Variants in TASP1 observed in about 807,000 individuals in gnomAD.
TASP1 encodes the protein threonine aspartase 1.
TASP1 carries 16 observed loss-of-function variants against 56.6 expected under a neutral mutation model. That is an observed-to-expected ratio of 0.28 (90% CI 0.19 to 0.43). The LOEUF (loss-of-function observed/expected upper bound fraction) is 0.43, where lower values mean the gene tolerates loss of function less well. Among genes scored for constraint, TASP1 ranks in the 20% least tolerant of loss-of-function variants. The probability of loss-of-function intolerance (pLI) is 1.00; values close to 1 mark genes in which losing one functional copy is unlikely to be tolerated. For synonymous variants in TASP1, 179 were observed against 184.2 expected, an observed-to-expected ratio of 0.97 and a Z score of 0.23; for missense variants, 393 against 511.6, an observed-to-expected ratio of 0.77 and a Z score of 2.24.
chr20:13,206,690 C>T, the TASP1 span, among the ~76,000 whole-genome samples: 1 of 151,862 alleles, frequency 6.6e-6, no homozygotes, highest in Admixed American at 6.6e-5. Context: ...AGACAGTAGA[C>T]AAGGGGAGAG....
the TASP1 span, among the ~76,000 whole-genome samples, chr20:13,257,378 G>T: frequency 6.6e-6 from 1 of 152,122 alleles, no homozygotes; most frequent in Non-Finnish European, 1.5e-5. Context: ...TTAGCCAAGC[G>T]TGGTGGTGGA....
At chr20:13,638,507 C>G (rs542349017) in intron 1 of TASP1, among the ~76,000 whole-genome samples, 66 of 152,282 alleles carry the variant, frequency 4.3e-4, no homozygotes, top group African/African-American at 1.6e-3. Context: ...TGCCTTACCC[C>G]CAACCCGCCA....
chr20:13,556,410 G>A (rs1033658743), intron 8 of TASP1, among the ~76,000 whole-genome samples: 2 of 152,088 alleles, frequency 1.3e-5, no homozygotes, highest in African/African-American at 4.8e-5. Context: ...TATTCACATA[G>A]TAGCCCATGG....
At chr20:13,334,080 G>C in the TASP1 span, among the ~76,000 whole-genome samples, 1 of 152,192 alleles carries the variant, frequency 6.6e-6, no homozygotes, top group African/African-American at 2.4e-5. Context: ...CGTAAGGATG[G>C]GGGAGGGAGA....
chr20:13,357,218 A>G, the TASP1 span, among the ~76,000 whole-genome samples: 2 of 147,122 alleles, frequency 1.4e-5, no homozygotes, highest in African/African-American at 5.4e-5. Context: ...TCTGCAAAGG[A>G]TTAGACCATT....
At chr20:13,435,203 A>G (rs1326380298) in intron 11 of TASP1, 49 bp from the exon 12 acceptor site, 3 of 1,326,778 alleles carry the variant, frequency 2.3e-6, no homozygotes, top group Non-Finnish European at 3.1e-6. Flanking sequence ...TTACTTTTTA[A>G]ATTTTCAATT....
chr20:13,335,789 G>T, the TASP1 span, among the ~76,000 whole-genome samples: 5 of 151,842 alleles, frequency 3.3e-5, no homozygotes, highest in African/African-American at 9.7e-5. Context: ...GAGAGAAGAG[G>T]CAAACAGCAA....
chr20:13,117,035 T>C, the TASP1 span, among the ~76,000 whole-genome samples: 1 of 152,200 alleles, frequency 6.6e-6, no homozygotes, highest in Non-Finnish European at 1.5e-5. Flanking sequence ...TTAAATAAAG[T>C]TCTGTGTCTT....
chr20:13,633,807 A>G (rs747818139), intron 1 of TASP1, among the ~76,000 whole-genome samples: 10 of 152,114 alleles, frequency 6.6e-5, no homozygotes, highest in Non-Finnish European at 1.3e-4. Context: ...AAGGAGAAAC[A>G]TAGGCACGTA....
chr20:13,340,396 T>G, the TASP1 span, among the ~76,000 whole-genome samples: 5 of 152,278 alleles, frequency 3.3e-5, no homozygotes, highest in South Asian at 1.0e-3. Flanking sequence ...GACTACTGAT[T>G]GGGTTTTCTG....
At chr20:13,151,495 G>T in the TASP1 span, among the ~76,000 whole-genome samples, 1 of 152,208 alleles carries the variant, frequency 6.6e-6, no homozygotes. Flanking sequence ...CAACCTGCCT[G>T]CTGGGAGCTG....
intron 12 of TASP1, among the ~76,000 whole-genome samples, chr20:13,424,296 G>A (rs1442306215): frequency 6.6e-6 from 1 of 151,930 alleles, no homozygotes; most frequent in African/African-American, 2.4e-5. Flanking sequence ...GCTCAAATAC[G>A]GTTACATAGA....
chr20:13,160,282 C>A, the TASP1 span: 2 of 910,304 alleles, frequency 2.2e-6, no homozygotes, highest in Non-Finnish European at 3.1e-6. Flanking sequence ...AAAACAAGAG[C>A]TCGTCAACAA....
intron 11 of TASP1, among the ~76,000 whole-genome samples, chr20:13,457,162 C>T (rs1373942162): frequency 6.6e-6 from 1 of 151,952 alleles, no homozygotes; most frequent in Non-Finnish European, 1.5e-5. Flanking sequence ...AGGAGAAATA[C>T]CTAATGTAAA....
At chr20:13,221,230 TCC>T in the TASP1 span, among the ~76,000 whole-genome samples, 9 of 85,018 alleles carry the variant, frequency 1.1e-4, no homozygotes, top group African/African-American at 3.6e-4. Flanking sequence ...CTCCTCCTCC[TCC>T]TCCTCCTCCT....
At chr20:13,554,796 C>T (rs937930504) in intron 8 of TASP1, among the ~76,000 whole-genome samples, 7 of 152,150 alleles carry the variant, frequency 4.6e-5, no homozygotes, top group Admixed American at 4.6e-4. Context: ...AAAAATGTTA[C>T]TCATCTGAAC....
the TASP1 span, among the ~76,000 whole-genome samples, chr20:13,376,781 A>G: frequency 6.6e-6 from 1 of 152,144 alleles, no homozygotes; most frequent in African/African-American, 2.4e-5. Flanking sequence ...TTTTCCTTGA[A>G]GAGGTCCTTC....
chr20:13,573,974 T>G (rs2046809004), intron 6 of TASP1, among the ~76,000 whole-genome samples: 1 of 152,094 alleles, frequency 6.6e-6, no homozygotes, highest in African/African-American at 2.4e-5. Context: ...TAGCCAGAGT[T>G]CACAATACCA....
At chr20:13,228,942 A>T in the TASP1 span, among the ~76,000 whole-genome samples, 2 of 152,188 alleles carry the variant, frequency 1.3e-5, no homozygotes, top group East Asian at 3.9e-4. Flanking sequence ...CGCTCATAGT[A>T]AATATCAGAT....
Sources: allele counts gnomAD v4.1 joint callset (sites outside exome capture counted in the v4.1 genomes callset), GRCh38; gene constraint gnomAD v4.1.1; transcripts MANE v1.5; gene names NCBI Gene and HGNC (gene_info 2026-07-23, HGNC 2026-07-21).